APOL1: variants seen among roughly 807,000 people sequenced by gnomAD.
APOL1 encodes apolipoprotein L 1.
APOL1 carries 17 observed loss-of-function variants against 14.9 expected under a neutral mutation model. The ratio of observed to expected loss-of-function variants is 1.14; its 90% confidence interval spans 0.78 to 1.71. The LOEUF is 1.71. Among genes scored for constraint, APOL1 ranks in the 40% most tolerant of loss-of-function variants. The probability of loss-of-function intolerance (pLI) is 0.00; values close to 1 mark genes in which losing one functional copy is unlikely to be tolerated. For missense variants in APOL1, 523 were observed against 485.9 expected (o/e 1.08, Z -0.72); for synonymous variants, 195 against 184.8 (o/e 1.05, Z -0.45).
intron 4 of APOL1, among the ~76,000 whole-genome samples, chr22:36,260,422 G>T (rs2016042333): frequency 6.6e-6 from 1 of 152,146 alleles, no homozygotes; most frequent in African/African-American, 2.4e-5. Flanking sequence ...GGTCTCTTGT[G>T]TGTGCACGGC....
At position 36,265,659 on chromosome 22, in the gene APOL1, C is replaced by T. The variant is rs769583192; in HGVS notation, c.823C>T (p.Leu275Phe). 3.7e-6 allele frequency: 6 copies of T among 1,600,902 alleles called. No individual in the cohort carries two copies. The highest frequency in any genetic ancestry group is 5.1e-6 in the Non-Finnish European group (6 of 1,173,194). The change falls in exon 6 of 6, where the codon CTC becomes TTC. Residue 275 changes from leucine (L) to phenylalanine (F), a missense_variant. Transcript: ENST00000397278. ...FLSLAGNTYQLTRGIGKDIRA... is the reference protein window; with the variant it reads ...FLSLAGNTYQFTRGIGKDIRA... ...TTCCTTAGCTGGCAATACTTACCAA[C>T]TCACACGAGGCATTGGGAAGGACAT...
chr22:36,257,318 G>C lies in APOL1; in HGVS notation c.99-1G>C. 1 of 1,614,124 alleles carries C rather than the reference G, an allele frequency of 6.2e-7. No homozygotes were observed. The highest frequency in any genetic ancestry group is 8.5e-7 in the Non-Finnish European group (1 of 1,179,946). ...CCACAATTTGTTTTCTCCTCCTCAA[G>C]GGTGCAACAAAACGTTCCAAGTGGG... is the stretch of plus-strand genomic sequence containing the variant. On this transcript the variant is annotated splice_acceptor_variant, in intron 3 of 5. Transcript: ENST00000397278. LOFTEE classifies it high-confidence loss of function.
Position 36,265,541 on chromosome 22 carries a change from G to A in APOL1, c.705G>A (p.Trp235Ter), listed in dbSNP as rs1331591797. The A allele has an allele frequency of 1.9e-6, 3 of 1,607,998 alleles. No homozygotes were observed. In the South Asian group the frequency reaches 3.3e-5, roughly 18 times the overall value. Residue 235 changes from tryptophan (W) to a stop codon, truncating the protein, a stop_gained, in exon 6 of 6, where the codon TGG (tryptophan) becomes TGA (stop). Transcript: ENST00000397278. LOFTEE classifies it low-confidence loss of function (END_TRUNC). Reference sequence around the variant, plus strand: ...CCATGGACTACGGAAAGAAGTGGTGGACACAAGCCCAAGCCCACGACCTGG... The same window carrying A: ...CCATGGACTACGGAAAGAAGTGGTGAACACAAGCCCAAGCCCACGACCTGG... ...SSTMDYGKKW[W>*]TQAQAHDLVI...
At chr22:36,259,967 A>G (rs2146303249) in intron 4 of APOL1, 1 of 1,212,240 alleles carries the variant, frequency 8.2e-7, no homozygotes, top group South Asian at 1.5e-5. Context: ...TCAAAACATA[A>G]GGAGTTTTAA....
chr22:36,261,246 C>T (rs1319968123), intron 4 of APOL1, among the ~76,000 whole-genome samples: 5 of 152,222 alleles, frequency 3.3e-5, no homozygotes, highest in African/African-American at 1.2e-4. Context: ...CTCTTGCTGG[C>T]TTATGGAAGC....
chr22:36,258,672 C>A (rs1466369802), intron 4 of APOL1, among the ~76,000 whole-genome samples: 1 of 152,108 alleles, frequency 6.6e-6, no homozygotes, highest in East Asian at 1.9e-4. Context: ...GCCAGTCGGG[C>A]CCAGTGGAGT....
chr22:36,260,401 A>T (rs975247898), intron 4 of APOL1, among the ~76,000 whole-genome samples: 2 of 152,154 alleles, frequency 1.3e-5, no homozygotes, highest in African/African-American at 4.8e-5. Flanking sequence ...TCCCCCCAAA[A>T]AAAAGAATGA....
In APOL1 at chr22:36,265,793, G is replaced by A; in HGVS notation, c.957G>A (p.Glu319=). The change falls in exon 6 of 6, where the codon GAG becomes GAA. Residue 319 remains glutamate, a synonymous_variant. Transcript: ENST00000397278. ...CAGCTGAAAGCGGTGAACAGGTGGA[G>A]AGGGTTAATGAACCCAGCATCCTGG... ...PISAESGEQV[E]RVNEPSILEM... is the part of the protein sequence containing the mutation. 1 of 1,614,196 alleles carries A rather than the reference G, an allele frequency of 6.2e-7. No individual in the cohort carries two copies. Among genetic ancestry groups the A allele is most frequent in the Non-Finnish European group, 8.5e-7 (1 of 1,180,044 alleles).
At chr22:36,260,555 C>T (rs892738152) in intron 4 of APOL1, among the ~76,000 whole-genome samples, 7 of 152,230 alleles carry the variant, frequency 4.6e-5, no homozygotes, top group Admixed American at 6.5e-5. Context: ...CAGCTGACTT[C>T]AGGAGTAATC....
In APOL1 at chr22:36,266,001, T is replaced by C. The variant is rs796075984; in HGVS notation, c.1165T>C (p.Tyr389His). ...EEKLNILNNN[Y>H]KILQADQEL The stretch of plus-strand genomic sequence containing the variant: ...GAAGCTAAACATTCTCAACAATAAT[T>C]ATAAGATTCTGCAGGCGGACCAAGA... Residue 389 changes from tyrosine (Y) to histidine (H), a missense_variant, in exon 6 of 6, where the codon TAT becomes CAT. Tyr to His is a moderately conservative substitution (Grantham distance 83). Coordinates refer to ENST00000397278, the MANE Select transcript of APOL1 (RefSeq NM_003661.4). 9 of 1,590,420 alleles carry C rather than the reference T, an allele frequency of 5.7e-6. No individual in the cohort carries two copies. Among genetic ancestry groups the C allele is most frequent in the Non-Finnish European group, 7.6e-6 (9 of 1,178,550 alleles).
At position 36,266,714 on chromosome 22, in the gene APOL1, G is replaced by T. The variant is rs1267572752; in HGVS notation, c.*681G>T. The T allele has an allele frequency of 5.8e-6, 2 of 346,922 alleles. No individual in the cohort carries two copies. The highest frequency in any genetic ancestry group is 4.0e-5 in the East Asian group (1 of 24,774). 21.5% of individuals were successfully genotyped at this position (346,922 alleles called of 1,614,324 possible). A position where few individuals can be genotyped will look rare whatever the true frequency, so the allele number is the denominator to read the frequency against. ...AGGTCAGGAGATCGAGACCATCCTG[G>T]CTAACACAGTGAAACCCCGTCTCTA... On this transcript the variant is annotated 3_prime_UTR_variant, in exon 6 of 6. Coordinates refer to ENST00000397278, the MANE Select transcript of APOL1 (RefSeq NM_003661.4).
In APOL1 at chr22:36,265,833, G is replaced by T; in HGVS notation, c.997G>T (p.Val333Phe). 3 of 1,614,194 alleles carry T rather than the reference G, an allele frequency of 1.9e-6. No homozygotes were observed. The highest frequency in any genetic ancestry group is 2.2e-5 in the East Asian group (1 of 44,872). ...CAGCATCCTGGAAATGAGCAGAGGA[G>T]TCAAGCTCACGGATGTGGCCCCTGT... ...EPSILEMSRGVKLTDVAPVSF... is the reference protein window; with the variant it reads ...EPSILEMSRGFKLTDVAPVSF... Residue 333 changes from valine (V) to phenylalanine (F), a missense_variant, in exon 6 of 6, where the codon GTC (valine) becomes TTC (phenylalanine). Coordinates refer to ENST00000397278, the MANE Select transcript of APOL1 (RefSeq NM_003661.4).
chr22:36,254,295 T>C (rs889557775), intron 1 of APOL1, among the ~76,000 whole-genome samples: 1 of 152,040 alleles, frequency 6.6e-6, no homozygotes, highest in Non-Finnish European at 1.5e-5. Context: ...CAAAAAGAGA[T>C]GATGAAGCCT....
chr22:36,265,711 A>G lies in APOL1; in HGVS notation c.875A>G (p.Asn292Ser). 6.2e-7 allele frequency: 1 copy of G among 1,612,898 alleles called. No homozygotes were observed. The highest frequency in any genetic ancestry group is 1.7e-5 in the Admixed American group (1 of 59,908). Residue 292 changes from asparagine to serine, a missense_variant, in exon 6 of 6, where the codon AAT (asparagine) becomes AGT (serine). Physicochemically the swap from Asn to Ser is conservative, Grantham distance 46 (BLOSUM62 1). Coordinates refer to ENST00000397278, the MANE Select transcript of APOL1 (RefSeq NM_003661.4). ...DIRALRRARA[N>S]LQSVPHASAS... ...CGTGCCCTCAGACGAGCCAGAGCCAATCTTCAGTCAGTACCGCATGCCTCA... is the reference window on the plus strand; with the variant it reads ...CGTGCCCTCAGACGAGCCAGAGCCAGTCTTCAGTCAGTACCGCATGCCTCA...
rs1055864045 is a variant in APOL1 at position 36,263,337 on chromosome 22, G to C, written c.314+1615G>C. Among the ~76,000 whole-genome samples the C allele has an allele frequency of 3.3e-5, 5 of 152,200 alleles. No homozygotes were observed. The East Asian group carries it at 9.6e-4, about 29-fold the overall frequency. ...CAAAGTGAACTCCTGTCTCTCCGGG[G>C]TTTTGTTTTTGTTTGAATTCAAAGT... On this transcript the variant is annotated intron_variant, in intron 5 of 5. Transcript: ENST00000397278.
At chr22:36,259,525 A>T in intron 4 of APOL1, 1 of 1,146,028 alleles carries the variant, frequency 8.7e-7, no homozygotes, top group South Asian at 1.6e-5. Context: ...GGCTGTGCTG[A>T]GTCCTGTCCA....
intron 1 of APOL1, chr22:36,253,720 GT>G (rs1258705738): frequency 3.6e-6 from 2 of 562,338 alleles, no homozygotes; most frequent in Non-Finnish European, 6.4e-6. Flanking sequence ...GCCAGGCCCT[GT>G]GGGGAAACTG....
In APOL1 at chr22:36,259,875, G is replaced by T. The variant is rs781272794; in HGVS notation, c.188-1721G>T. 4 of 1,303,870 alleles carry T rather than the reference G, an allele frequency of 3.1e-6. No homozygotes were observed. In the South Asian group the frequency reaches 4.9e-5, roughly 16 times the overall value. The allele number at this position is 1,303,870 out of a possible 1,614,324, so 80.8% of individuals were successfully genotyped here. Reference sequence around the variant, plus strand: ...TTGCATGGTAGTTGTACTCAATGCTGTGGAGTTTGAGACATTATTTTTAAA... The same window carrying T: ...TTGCATGGTAGTTGTACTCAATGCTTTGGAGTTTGAGACATTATTTTTAAA... On this transcript the variant is annotated intron_variant, in intron 4 of 5. Transcript: ENST00000397278.
chr22:36,259,742 T>C (rs567649508), intron 4 of APOL1: 2 of 1,304,218 alleles, frequency 1.5e-6, no homozygotes, highest in East Asian at 5.5e-5. Context: ...AGAGGCAACA[T>C]GGAGGTGCCT....
Sources: gnomAD v4.1 joint callset for allele counts (sites outside exome capture counted in the v4.1 genomes callset) on GRCh38, gnomAD v4.1.1 for gene constraint, MANE v1.5 for transcripts, NCBI Gene and HGNC (gene_info 2026-07-23, HGNC 2026-07-21) for gene names.